CSRP1: variants seen among roughly 807,000 people sequenced by gnomAD.
The protein encoded by CSRP1 is cysteine and glycine-rich protein 1.
Under a neutral mutation model 25.4 loss-of-function variants are expected in CSRP1, and 16 were observed. That is an observed-to-expected ratio of 0.63 (90% confidence interval 0.43 to 0.96). CSRP1 has a LOEUF of 0.96. CSRP1 is among the 40% of genes least tolerant of loss of function. The probability of loss-of-function intolerance (pLI) is 0.00; values close to 1 mark genes in which losing one functional copy is unlikely to be tolerated. For missense variants in CSRP1, 212 were observed against 243.6 expected (o/e 0.87, Z 0.86); for synonymous variants, 97 against 95.3 (o/e 1.02, Z -0.10).
chr1:201,488,752 A>G, intron 4 of CSRP1, 103 bp downstream of exon 4: 1 of 1,411,386 alleles, frequency 7.1e-7, no homozygotes. Flanking sequence ...CCCAGTGCTC[A>G]GGCTGCCCTG....
chr1:201,503,727 A>C (rs1664732741), intron 1 of CSRP1, among the ~76,000 whole-genome samples: 1 of 152,156 alleles, frequency 6.6e-6, no homozygotes, highest in Non-Finnish European at 1.5e-5. Context: ...TACCATATAA[A>C]TTCTTGACAA....
In CSRP1 at chr1:201,496,275, CA is replaced by C; in HGVS notation, c.28del (p.Cys10ValfsTer123). 6.2e-7 allele frequency: 1 copy of C among 1,614,172 alleles called. No homozygotes were observed. Among genetic ancestry groups the C allele is most frequent in the Non-Finnish European group, 8.5e-7 (1 of 1,180,032 alleles). MPNWGGGKK[C>X]GVCQKTVYFA... ...GTAAACCGTCTTCTGACACACCCCA[CA>C]TTTCTTGCCTCCTCCCCAGTTCGGC... On this transcript the variant is annotated frameshift_variant, in exon 2 of 6. Coordinates refer to ENST00000340006, the MANE Select transcript of CSRP1 (RefSeq NM_004078.3). LOFTEE classifies it high-confidence loss of function.
In CSRP1 at chr1:201,498,596, G is replaced by A. The variant is rs3738282; in HGVS notation, c.-1-2292C>T. ...AGAGGGAGATACAGTCTCCATTACT[G>A]GAGAGCTCCCATTTGAGGGTGACAC... is the stretch of plus-strand genomic sequence containing the variant. On this transcript the variant is annotated intron_variant, in intron 1 of 5. Coordinates refer to ENST00000340006, the MANE Select transcript of CSRP1 (RefSeq NM_004078.3). 7.9e-5 allele frequency among the ~76,000 whole-genome samples: 12 copies of A among 152,334 alleles called. No individual in the cohort carries two copies. In the East Asian group the frequency reaches 2.3e-3, roughly 29 times the overall value.
chr1:201,503,103 C>A (rs1664714777), intron 1 of CSRP1, among the ~76,000 whole-genome samples: 1 of 152,130 alleles, frequency 6.6e-6, no homozygotes, highest in Admixed American at 6.5e-5. Context: ...CAAGATCGTG[C>A]CACTGCACTC....
chr1:201,498,849 G>A (rs1664585512), intron 1 of CSRP1, among the ~76,000 whole-genome samples: 1 of 152,218 alleles, frequency 6.6e-6, no homozygotes, highest in Admixed American at 6.5e-5. Context: ...TGTGCAGGCT[G>A]AGAGGCAGAG....
At chr1:201,491,730 T>A (rs1664343693) in intron 2 of CSRP1, 1 of 152,212 alleles carries the variant, frequency 6.6e-6, no homozygotes, top group South Asian at 2.1e-4. Context: ...ATCATATTCC[T>A]TAAATATTGG....
chr1:201,498,372 G>T (rs566087852), intron 1 of CSRP1, among the ~76,000 whole-genome samples: 1 of 152,324 alleles, frequency 6.6e-6, no homozygotes, highest in African/African-American at 2.4e-5. Context: ...GACTTGGTGA[G>T]TAAAGGACAC....
chr1:201,496,424 G>GA, intron 1 of CSRP1, 120 bp from the exon 2 acceptor site: 1 of 837,236 alleles, frequency 1.2e-6, no homozygotes, highest in Non-Finnish European at 2.0e-6. Context: ...TAGAATGCCT[G>GA]GGGGGCCACC....
At chr1:201,489,201 T>A in intron 3 of CSRP1, 1 of 471,868 alleles carries the variant, frequency 2.1e-6, no homozygotes. Context: ...ACATCATACT[T>A]CCCTCGGTCA....
Position 201,496,208 on chromosome 1 carries a change from T to C in CSRP1, c.96A>G (p.Lys32=), listed in dbSNP as rs374623326. 1.7e-5 allele frequency: 28 copies of C among 1,613,938 alleles called. No homozygotes were observed. Among genetic ancestry groups the C allele is most frequent in the Non-Finnish European group, 2.2e-5 (26 of 1,179,944 alleles). Residue 32 remains lysine (K), a synonymous_variant, in exon 2 of 6, where the codon AAA becomes AAG. Coordinates refer to ENST00000340006, the MANE Select transcript of CSRP1 (RefSeq NM_004078.3). ...CGTACTCACTGCACAGGAAGCAGGATTTATGGAAGCTGTTGCCTTCGCACT... is the reference window on the plus strand; with the variant it reads ...CGTACTCACTGCACAGGAAGCAGGACTTATGGAAGCTGTTGCCTTCGCACT... ...EVQCEGNSFH[K]SCFLCMVCKK...
At position 201,492,131 on chromosome 1, in the gene CSRP1, G is replaced by A. The variant is rs1664357576; in HGVS notation, c.113-1787C>T. 2.0e-5 allele frequency: 3 copies of A among 152,360 alleles called. No individual in the cohort carries two copies. The South Asian group carries it at 6.2e-4, about 32-fold the overall frequency. 9.4% of individuals were successfully genotyped at this position (152,360 alleles called of 1,614,324 possible). A position where few individuals can be genotyped will look rare whatever the true frequency, so the allele number is the denominator to read the frequency against. On this transcript the variant is annotated intron_variant, in intron 2 of 5. Transcript: ENST00000340006. ...GGAAGTCAGGAATTGGCCTGGAATT[G>A]TTTTCCTGTAAGATCCCAATTGAAC...
chr1:201,506,123 C>A (rs918434220), intron 1 of CSRP1, among the ~76,000 whole-genome samples: 1 of 152,212 alleles, frequency 6.6e-6, no homozygotes, highest in African/African-American at 2.4e-5. Flanking sequence ...GCCTTCCAAA[C>A]AATCCCACCA....
intron 1 of CSRP1, among the ~76,000 whole-genome samples, chr1:201,498,647 G>A (rs1427738904): frequency 6.6e-6 from 1 of 152,236 alleles, no homozygotes; most frequent in Non-Finnish European, 1.5e-5. Context: ...AAGGGATCCA[G>A]GTCACGTTCA....
chr1:201,484,212 C>T lies in CSRP1; in HGVS notation c.*501G>A. 1 of 528,014 alleles carries T rather than the reference C, an allele frequency of 1.9e-6. No homozygotes were observed. The highest frequency in any genetic ancestry group is 3.4e-6 in the Non-Finnish European group (1 of 293,082). 32.7% of individuals were successfully genotyped at this position (528,014 alleles called of 1,614,324 possible). On this transcript the variant is annotated 3_prime_UTR_variant, in exon 6 of 6. Transcript: ENST00000340006. Reference sequence around the variant, plus strand: ...AGTGACTCCCTAAGCTGGGACTCCTCAGGCTTACTCTGAGGGACACCAGGA... The same window carrying T: ...AGTGACTCCCTAAGCTGGGACTCCTTAGGCTTACTCTGAGGGACACCAGGA...
Position 201,484,481 on chromosome 1 carries a change from C to G in CSRP1, c.*232G>C. The stretch of plus-strand genomic sequence containing the variant: ...CCTGCTCTCACCTAGACCCAAAACA[C>G]TGAGGTCTCCTACTGGTGATGGTGT... On this transcript the variant is annotated 3_prime_UTR_variant, in exon 6 of 6. Transcript: ENST00000340006. 1.7e-6 allele frequency: 1 copy of G among 578,636 alleles called. No homozygotes were observed. The highest frequency in any genetic ancestry group is 3.1e-6 in the Non-Finnish European group (1 of 323,736). 35.8% of individuals were successfully genotyped at this position (578,636 alleles called of 1,614,324 possible).
rs1664286549 is a variant in CSRP1 at position 201,490,122 on chromosome 1, A to G, written c.281+54T>C. On this transcript the variant is annotated intron_variant, in intron 3 of 5. Coordinates refer to ENST00000340006, the MANE Select transcript of CSRP1 (RefSeq NM_004078.3). ...GTTGTAAATACACATGAGGCCTAAT[A>G]CAGGGTGGGGGAGAGAGCTCAAGAA... 5 of 1,563,208 alleles carry G rather than the reference A, an allele frequency of 3.2e-6. No individual in the cohort carries two copies. The East Asian group carries it at 1.1e-4, about 35-fold the overall frequency.
At chr1:201,502,022 A>AATAC (rs1664686905) in intron 1 of CSRP1, among the ~76,000 whole-genome samples, 1 of 151,388 alleles carries the variant, frequency 6.6e-6, no homozygotes, top group African/African-American at 2.4e-5. Flanking sequence ...TAAATAAATA[A>AATAC]ATAAATAAAG....
At chr1:201,498,649 T>C (rs1357497164) in intron 1 of CSRP1, among the ~76,000 whole-genome samples, 2 of 152,184 alleles carry the variant, frequency 1.3e-5, no homozygotes. Context: ...GGGATCCAGG[T>C]CACGTTCACC....
chr1:201,494,713 T>C (rs1258261053), intron 2 of CSRP1, among the ~76,000 whole-genome samples: 1 of 150,930 alleles, frequency 6.6e-6, no homozygotes, highest in Non-Finnish European at 1.5e-5. Context: ...TTGCTTCGTG[T>C]AATGCAGAAC....
Sources: gnomAD v4.1 joint callset for allele counts (sites outside exome capture counted in the v4.1 genomes callset) on GRCh38, gnomAD v4.1.1 for gene constraint, MANE v1.5 for transcripts, NCBI Gene and HGNC (gene_info 2026-07-23, HGNC 2026-07-21) for gene names.